The following MAGI1 variants were observed in gnomAD, a reference collection of about 807,000 sequenced individuals.
MAGI1 encodes membrane-associated guanylate kinase, WW and PDZ domain-containing protein 1.
A neutral mutation model predicts 139.9 loss-of-function variants in MAGI1; 58 were observed. The ratio of observed to expected loss-of-function variants is 0.41; its 90% CI spans 0.34 to 0.52. The LOEUF is 0.52. MAGI1 is among the 20% of genes least tolerant of loss of function. The pLI is 0.12. For synonymous variants in MAGI1, 812 were observed against 737.9 expected (o/e 1.10, Z -1.63); for missense variants, 1,874 against 1,901.6 (o/e 0.99, Z 0.27).
At chr3:66,037,513 G>A (rs979087146) in intron 1 of MAGI1, among the ~76,000 whole-genome samples, 2 of 152,148 alleles carry the variant, frequency 1.3e-5, no homozygotes, top group African/African-American at 2.4e-5. Flanking sequence ...CTCACCTGGA[G>A]GGGTCGCGGG....
intron 1 of MAGI1, among the ~76,000 whole-genome samples, chr3:65,847,624 G>A (rs2059051325): frequency 6.6e-6 from 1 of 152,180 alleles, no homozygotes; most frequent in African/African-American, 2.4e-5. Flanking sequence ...AATCCCGAGA[G>A]TACTCTTGAG....
intron 1 of MAGI1, among the ~76,000 whole-genome samples, chr3:65,851,950 C>T (rs929749300): frequency 8.6e-5 from 13 of 151,986 alleles, no homozygotes; most frequent in African/African-American, 3.1e-4. Context: ...GAGGCAAGAA[C>T]GGGGGAAGAA....
At chr3:65,504,561 G>C (rs1215206230) in intron 2 of MAGI1, among the ~76,000 whole-genome samples, 1 of 152,160 alleles carries the variant, frequency 6.6e-6, no homozygotes, top group Non-Finnish European at 1.5e-5. Context: ...GGGGAGGGGT[G>C]GGAGGATAAA....
chr3:65,932,449 G>A (rs933939641), intron 1 of MAGI1, among the ~76,000 whole-genome samples: 1 of 152,092 alleles, frequency 6.6e-6, no homozygotes, highest in Non-Finnish European at 1.5e-5. Context: ...GTATGTGTCT[G>A]CCCCCTAGGT....
chr3:65,451,933 C>T (rs1370328021), intron 6 of MAGI1, among the ~76,000 whole-genome samples: 1 of 152,262 alleles, frequency 6.6e-6, no homozygotes, highest in African/African-American at 2.4e-5. Flanking sequence ...CAGGTATGAG[C>T]CACACCATGC....
chr3:65,377,584 T>C (rs1942652667), intron 17 of MAGI1, among the ~76,000 whole-genome samples: 1 of 152,260 alleles, frequency 6.6e-6, no homozygotes, highest in Non-Finnish European at 1.5e-5. Context: ...CGTCACAGGA[T>C]GCATGGAGAC....
At chr3:65,786,807 G>A (rs1435815089) in intron 1 of MAGI1, among the ~76,000 whole-genome samples, 6 of 151,822 alleles carry the variant, frequency 4.0e-5, no homozygotes, top group Admixed American at 3.9e-4. Flanking sequence ...AGTAGAGACG[G>A]GATTTCACCG....
At chr3:65,662,134 T>C (rs940867753) in intron 1 of MAGI1, among the ~76,000 whole-genome samples, 1 of 151,994 alleles carries the variant, frequency 6.6e-6, no homozygotes, top group African/African-American at 2.4e-5. Flanking sequence ...GAGGCTGAAG[T>C]GGAATAAACC....
intron 6 of MAGI1, among the ~76,000 whole-genome samples, chr3:65,450,779 T>C (rs1948987252): frequency 6.6e-6 from 1 of 152,214 alleles, no homozygotes; most frequent in Non-Finnish European, 1.5e-5. Flanking sequence ...ATTAAATCTT[T>C]ATAATAATTA....
At chr3:65,923,778 A>T (rs566954819) in intron 1 of MAGI1, among the ~76,000 whole-genome samples, 1 of 152,308 alleles carries the variant, frequency 6.6e-6, no homozygotes, top group African/African-American at 2.4e-5. Flanking sequence ...GCACAAGCAC[A>T]TTTGGCCAAG....
At chr3:65,945,895 G>C (rs2063525484) in intron 1 of MAGI1, among the ~76,000 whole-genome samples, 1 of 152,196 alleles carries the variant, frequency 6.6e-6, no homozygotes, top group Non-Finnish European at 1.5e-5. Flanking sequence ...GCTAGAGACA[G>C]AGCAGTGGCT....
At chr3:66,007,280 G>A (rs2067074229) in intron 1 of MAGI1, among the ~76,000 whole-genome samples, 2 of 152,172 alleles carry the variant, frequency 1.3e-5, no homozygotes. Context: ...CTATCTCATT[G>A]TCTCCTTTAA....
rs184848143 is a variant in MAGI1 at position 65,929,109 on chromosome 3, C to T, written c.313+108887G>A. 8.2e-4 allele frequency among the ~76,000 whole-genome samples: 125 copies of T among 151,554 alleles called. 1 individual carries two copies. The highest frequency in any genetic ancestry group is 3.4e-3 in the Middle Eastern group (1 of 294). On this transcript the variant is annotated intron_variant, in intron 1 of 22. Transcript: ENST00000402939. ...GTCGAGGCTGCAGTGAGCCATGATCCTGCCGGTGCACCCCAGCCTGAGTGA... is the reference window on the plus strand; with the variant it reads ...GTCGAGGCTGCAGTGAGCCATGATCTTGCCGGTGCACCCCAGCCTGAGTGA...
At chr3:65,851,727 C>A (rs2059210414) in intron 1 of MAGI1, among the ~76,000 whole-genome samples, 1 of 151,818 alleles carries the variant, frequency 6.6e-6, no homozygotes, top group Non-Finnish European at 1.5e-5. Flanking sequence ...CCAGCCTGGG[C>A]AACAGAGCAA....
chr3:65,395,048 A>G (rs1480562714), intron 13 of MAGI1, among the ~76,000 whole-genome samples: 1 of 152,126 alleles, frequency 6.6e-6, no homozygotes, highest in Non-Finnish European at 1.5e-5. Flanking sequence ...TAGTACACAA[A>G]TGATATAACA....
intron 2 of MAGI1, among the ~76,000 whole-genome samples, chr3:65,515,989 C>T (rs575624566): frequency 1.0e-3 from 159 of 152,262 alleles, no homozygotes; most frequent in African/African-American, 3.4e-3. Flanking sequence ...ATTGAAATAG[C>T]AGAAATTATC....
chr3:66,038,408 T>A lies in MAGI1; in HGVS notation c.-100A>T. ...CGCTTGTTCATGGGAGAAACATCTC[T>A]CCCCAAATCACAAAACAGGAGAGAG... is the stretch of plus-strand genomic sequence containing the variant. On this transcript the variant is annotated 5_prime_UTR_variant, in exon 1 of 23. Coordinates refer to ENST00000402939, the MANE Select transcript of MAGI1 (RefSeq NM_001033057.2). 1 of 1,448,954 alleles carries A rather than the reference T, an allele frequency of 6.9e-7. No individual in the cohort carries two copies. The highest frequency in any genetic ancestry group is 1.4e-5 in the African/African-American group (1 of 70,404). 89.8% of individuals were successfully genotyped at this position (1,448,954 alleles called of 1,614,324 possible).
At position 65,359,787 on chromosome 3, in the gene MAGI1, T is replaced by C. The variant is rs548320951; in HGVS notation, c.3634+1412A>G. On this transcript the variant is annotated intron_variant, in intron 22 of 22. Transcript: ENST00000402939. ...TATTTTTAGCCCAAAGAACATTTGT[T>C]AGTGTTGGATTTTCATCCTCAGTGC... is the stretch of plus-strand genomic sequence containing the variant. 3.0e-6 allele frequency: 3 copies of C among 985,716 alleles called. No individual in the cohort carries two copies. In the Admixed American group the frequency reaches 1.8e-4, roughly 60 times the overall value. The allele number at this position is 985,716 out of a possible 1,614,324, so 61.1% of individuals were successfully genotyped here.
chr3:65,501,524 T>C (rs938542223), intron 2 of MAGI1, among the ~76,000 whole-genome samples: 14 of 151,068 alleles, frequency 9.3e-5, no homozygotes, highest in African/African-American at 3.2e-4. Context: ...CACAAACCTA[T>C]TAGAATGGTT....
Sources: allele counts gnomAD v4.1 joint callset (sites outside exome capture counted in the v4.1 genomes callset), GRCh38; gene constraint gnomAD v4.1.1; transcripts MANE v1.5; gene names NCBI Gene and HGNC (gene_info 2026-07-23, HGNC 2026-07-21).